STX2: variants seen among roughly 807,000 people sequenced by gnomAD.
The protein encoded by STX2 is syntaxin-2.
STX2 carries 27 observed loss-of-function variants against 40.6 expected under a neutral mutation model. The observed-to-expected ratio is 0.66, with a 90% CI of 0.49 to 0.92. The LOEUF (loss-of-function observed/expected upper bound fraction) is 0.92, where lower values mean the gene tolerates loss of function less well. Among genes scored for constraint, STX2 ranks in the 40% least tolerant of loss-of-function variants. STX2 has a pLI of 0.00. For missense variants in STX2, 328 were observed against 366.1 expected (o/e 0.90, Z 0.85); for synonymous variants, 123 against 119.1 (o/e 1.03, Z -0.22).
intron 1 of STX2, among the ~76,000 whole-genome samples, chr12:130,827,836 G>T (rs1051430825): frequency 6.6e-6 from 1 of 151,922 alleles, no homozygotes; most frequent in Non-Finnish European, 1.5e-5. Context: ...AACCTGGCAG[G>T]TTTAGCTGGG....
intron 1 of STX2, among the ~76,000 whole-genome samples, chr12:130,832,917 C>G (rs1375549515): frequency 6.6e-6 from 1 of 152,214 alleles, no homozygotes; most frequent in Non-Finnish European, 1.5e-5. Context: ...ATCCACAGCT[C>G]AGCTCACGGG....
chr12:130,839,173 C>G lies in STX2; in HGVS notation c.-74G>C, dbSNP rs948944577. ...GCCTCCGGCCGGGCCTCGGGCTCTC[C>G]GGTCTCCGCCTCAGGCCCCGCGGTC... On this transcript the variant is annotated 5_prime_UTR_variant, in exon 1 of 11. Coordinates refer to ENST00000392373, the MANE Select transcript of STX2 (RefSeq NM_194356.4). 6,242 of 1,123,518 alleles carry G rather than the reference C, an allele frequency of 5.6e-3. 27 individuals are homozygous for G. Among genetic ancestry groups the G allele is most frequent in the Non-Finnish European group, 6.3e-3 (5,733 of 917,034 alleles). 69.6% of individuals were successfully genotyped at this position (1,123,518 alleles called of 1,614,324 possible). A position where few individuals can be genotyped will look rare whatever the true frequency, so the allele number is the denominator to read the frequency against.
chr12:130,815,618 G>A (rs1300554174), intron 3 of STX2, among the ~76,000 whole-genome samples: 2 of 152,326 alleles, frequency 1.3e-5, no homozygotes, highest in Non-Finnish European at 2.9e-5. Flanking sequence ...TCTGCATGGC[G>A]AGAAAGCTGT....
intron 4 of STX2, among the ~76,000 whole-genome samples, chr12:130,810,124 G>C (rs925117446): frequency 6.6e-6 from 1 of 152,156 alleles, no homozygotes; most frequent in African/African-American, 2.4e-5. Context: ...AAACCTTTAA[G>C]TAATCATACT....
At chr12:130,792,422 T>C (rs1199867709) in intron 10 of STX2, among the ~76,000 whole-genome samples, 3 of 152,246 alleles carry the variant, frequency 2.0e-5, no homozygotes, top group African/African-American at 7.2e-5. Context: ...TTACACATAT[T>C]TGTAAAACTT....
At chr12:130,804,817 A>G (rs1951368154) in intron 6 of STX2, among the ~76,000 whole-genome samples, 2 of 152,218 alleles carry the variant, frequency 1.3e-5, no homozygotes, top group Admixed American at 1.3e-4. Flanking sequence ...TTCATTGCTT[A>G]TAAGACACTT....
rs762131427 is a variant in STX2, at chr12:130,807,005, C to A, written c.440G>T (p.Arg147Leu). Residue 147 changes from arginine (R) to leucine (L), a missense_variant, in exon 6 of 11, where the codon CGC (arginine) becomes CTC (leucine). Physicochemically the swap from Arg to Leu is moderately radical, Grantham distance 102 (BLOSUM62 -2). Transcript: ENST00000392373. The part of the protein sequence containing the change: ...QTLFRERSKG[R>L]IQRQLEITGR... ...ACTTATCTCCAGCTGGCGCTGGATG[C>A]GGCCTTTGCTCCGCTCCCGAAACAG... 1 of 1,614,176 alleles carries A rather than the reference C, an allele frequency of 6.2e-7. No individual in the cohort carries two copies. Among genetic ancestry groups the A allele is most frequent in the South Asian group, 1.1e-5 (1 of 91,074 alleles).
rs576857595 is a variant in STX2 at position 130,818,538 on chromosome 12, A to G, written c.205+3151T>C. Among the ~76,000 whole-genome samples the G allele has an allele frequency of 2.7e-4, 41 of 152,240 alleles. 1 individual carries two copies. In the South Asian group the frequency reaches 7.5e-3, roughly 28 times the overall value. On this transcript the variant is annotated intron_variant, in intron 3 of 10. Transcript: ENST00000392373. ...CCGGTGGGACAGGATCTGAATCCAG[A>G]GCCACAGAGGCGCGGCTTCCTCCAG...
chr12:130,813,350 C>G (rs10734981), intron 3 of STX2, among the ~76,000 whole-genome samples: 85,293 of 152,098 alleles, frequency 0.56, 26,397 homozygotes, highest in East Asian at 0.87. Flanking sequence ...AGACTTGCTG[C>G]TCTATACCCA....
intron 2 of STX2, among the ~76,000 whole-genome samples, chr12:130,824,483 T>C (rs1046336428): frequency 4.6e-5 from 7 of 152,184 alleles, no homozygotes; most frequent in African/African-American, 7.2e-5. Context: ...TTCTGCAATA[T>C]ACACCGCTGC....
At chr12:130,831,610 C>T (rs1299262945) in intron 1 of STX2, among the ~76,000 whole-genome samples, 1 of 151,926 alleles carries the variant, frequency 6.6e-6, no homozygotes, top group African/African-American at 2.4e-5. Flanking sequence ...TCCAGCCTGG[C>T]GATAGAGAGG....
chr12:130,806,685 GCGGGACTGAGGA>G (rs1356865768), intron 6 of STX2, among the ~76,000 whole-genome samples: 10 of 152,192 alleles, frequency 6.6e-5, no homozygotes, highest in African/African-American at 2.4e-4. Context: ...CCAGGGCAGG[GCGGGACTGAGGA>G]CACAGAAACA....
intron 3 of STX2, among the ~76,000 whole-genome samples, chr12:130,816,206 G>A (rs1013913745): frequency 6.6e-6 from 1 of 152,188 alleles, no homozygotes; most frequent in Non-Finnish European, 1.5e-5. Flanking sequence ...AGCTGAGGAC[G>A]ACTAGACTCG....
intron 8 of STX2, among the ~76,000 whole-genome samples, chr12:130,799,830 A>G (rs1056009197): frequency 7.2e-6 from 1 of 139,654 alleles, no homozygotes; most frequent in Non-Finnish European, 1.6e-5. Context: ...AAAAAAAAAA[A>G]TAGGCATGGT....
Position 130,791,772 on chromosome 12 carries a change from TA to T in STX2, c.*250del. On this transcript the variant is annotated 3_prime_UTR_variant, in exon 11 of 11. Transcript: ENST00000392373. Reference sequence around the variant, plus strand: ...CGGTTGTGCTTCTTCCGTGAACTCATACATTACAAGGTCAGCACTCGATGCC... The same window carrying T: ...CGGTTGTGCTTCTTCCGTGAACTCATCATTACAAGGTCAGCACTCGATGCC... The T allele has an allele frequency of 1.2e-6, 1 of 810,324 alleles. No homozygotes were observed. The highest frequency in any genetic ancestry group is 2.1e-6 in the Non-Finnish European group (1 of 487,146). 50.2% of individuals were successfully genotyped at this position (810,324 alleles called of 1,614,324 possible).
intron 3 of STX2, among the ~76,000 whole-genome samples, chr12:130,817,014 T>C (rs940596232): frequency 1.3e-5 from 2 of 151,772 alleles, no homozygotes; most frequent in African/African-American, 4.8e-5. Context: ...ATCATCTCTT[T>C]AAAAAGAAAA....
chr12:130,835,089 G>C (rs1044087795), intron 1 of STX2, among the ~76,000 whole-genome samples: 2 of 152,330 alleles, frequency 1.3e-5, no homozygotes, highest in East Asian at 3.9e-4. Context: ...AAGAGTTGAA[G>C]ACCAGCCTGG....
chr12:130,830,573 T>C (rs1288162251), intron 1 of STX2, among the ~76,000 whole-genome samples: 1 of 152,250 alleles, frequency 6.6e-6, no homozygotes, highest in Non-Finnish European at 1.5e-5. Flanking sequence ...TATTGTCTTA[T>C]TTCTTATTCT....
intron 1 of STX2, 84 bp from the exon 2 acceptor site, chr12:130,827,351 A>C: frequency 9.5e-7 from 1 of 1,053,134 alleles, no homozygotes; most frequent in East Asian, 2.4e-5. Flanking sequence ...ACAGTTCAAT[A>C]CCCACAAGAT....
Sources: allele counts gnomAD v4.1 joint callset (sites outside exome capture counted in the v4.1 genomes callset), GRCh38; gene constraint gnomAD v4.1.1; transcripts MANE v1.5; gene names NCBI Gene and HGNC (gene_info 2026-07-23, HGNC 2026-07-21).